PDE4D: variants seen among roughly 807,000 people sequenced by gnomAD.
The protein encoded by PDE4D is phosphodiesterase 4D, also known as 3',5'-cyclic-AMP phosphodiesterase 4D.
In PDE4D, 24 loss-of-function variants were observed where a neutral mutation model predicts 87.4. The ratio of observed to expected loss-of-function variants is 0.27; its 90% confidence interval spans 0.20 to 0.39. PDE4D has a LOEUF of 0.39. Ranked by LOEUF, PDE4D falls within the 10% of genes least tolerant of loss-of-function variation. The probability of loss-of-function intolerance (pLI) is 1.00; values close to 1 mark genes in which losing one functional copy is unlikely to be tolerated. For synonymous variants in PDE4D, 384 were observed against 383.2 expected (o/e 1.00, Z -0.02); for missense variants, 714 against 1,041.0 (o/e 0.69, Z 4.32).
intron 1 of PDE4D, among the ~76,000 whole-genome samples, chr5:60,478,179 A>G (rs1405950924): frequency 6.6e-6 from 1 of 152,218 alleles, no homozygotes; most frequent in African/African-American, 2.4e-5. Flanking sequence ...TAAAAAACAA[A>G]TTCAGCAAAA....
At position 58,972,208 on chromosome 5, in the gene PDE4D, C is replaced by T. The variant is rs1033410742; in HGVS notation, c.*2456G>A. The T allele has an allele frequency of 1.3e-5, 2 of 152,476 alleles. No homozygotes were observed. Among genetic ancestry groups the T allele is most frequent in the African/African-American group, 2.4e-5 (1 of 41,404 alleles). 9.4% of individuals were successfully genotyped at this position (152,476 alleles called of 1,614,324 possible). On this transcript the variant is annotated 3_prime_UTR_variant, in exon 15 of 15. Transcript: ENST00000340635. The stretch of plus-strand genomic sequence containing the variant: ...GAGGAATAAACTCTAGACTCTTTAC[C>T]TTTCTTTCTAGACTTCACTCAGGGA...
At chr5:59,297,869 G>A (rs925275094) in intron 1 of PDE4D, among the ~76,000 whole-genome samples, 14 of 152,136 alleles carry the variant, frequency 9.2e-5, no homozygotes, top group Admixed American at 3.3e-4. Context: ...GAATGGCATA[G>A]ACACAAAGGC....
intron 5 of PDE4D, among the ~76,000 whole-genome samples, chr5:59,118,438 T>C (rs1222139708): frequency 6.6e-6 from 1 of 152,204 alleles, no homozygotes; most frequent in Non-Finnish European, 1.5e-5. Context: ...ATATAGAAGG[T>C]ACTCCAATAA....
chr5:59,131,597 AACACAC>A (rs34161581), intron 5 of PDE4D, among the ~76,000 whole-genome samples: 2,714 of 118,116 alleles, frequency 0.023, 41 homozygotes, highest in East Asian at 0.032. Flanking sequence ...GCCAATTTAA[AACACAC>A]ACACACACAC....
At position 59,697,902 on chromosome 5, in the gene PDE4D, T is replaced by C. The variant is rs546615848; in HGVS notation, c.455+195266A>G. Among the ~76,000 whole-genome samples the C allele has an allele frequency of 1.1e-4, 16 of 152,296 alleles. No homozygotes were observed. In the East Asian group the frequency reaches 3.1e-3, roughly 29 times the overall value. On this transcript the variant is annotated intron_variant, in intron 1 of 14. Transcript: ENST00000340635. ...TGGTCCTACTTGATGTAACAAACTT[T>C]CCTGCCTTTATTTACTGATTTTATG...
chr5:59,427,289 T>TTA (rs1037996250), intron 1 of PDE4D, among the ~76,000 whole-genome samples: 4 of 82,170 alleles, frequency 4.9e-5, no homozygotes, highest in East Asian at 3.7e-4. Flanking sequence ...GGAAGTGATT[T>TTA]TATACACACA....
chr5:59,820,382 T>A (rs1769496983), intron 1 of PDE4D, among the ~76,000 whole-genome samples: 1 of 152,252 alleles, frequency 6.6e-6, no homozygotes, highest in South Asian at 2.1e-4. Flanking sequence ...TGAGGCTCAC[T>A]TTTGCTGAAC....
chr5:60,503,089 T>C (rs961130066), intron 1 of PDE4D, among the ~76,000 whole-genome samples: 1 of 152,138 alleles, frequency 6.6e-6, no homozygotes, highest in African/African-American at 2.4e-5. Flanking sequence ...CAAACGTCCA[T>C]ATCTTTTTGA....
intron 1 of PDE4D, chr5:59,587,142 C>G (rs1825274010): frequency 3.3e-6 from 1 of 304,210 alleles, no homozygotes; most frequent in South Asian, 1.3e-4. Flanking sequence ...TGCCTAACCC[C>G]ATAATAAGGC....
intron 1 of PDE4D, among the ~76,000 whole-genome samples, chr5:59,454,675 G>A (rs1379359270): frequency 6.6e-6 from 1 of 152,218 alleles, no homozygotes; most frequent in Non-Finnish European, 1.5e-5. Context: ...ATAACAGGCA[G>A]AGGTTGGAAC....
chr5:59,126,095 T>TAA (rs72194172), intron 5 of PDE4D, among the ~76,000 whole-genome samples: 41,135 of 127,214 alleles, frequency 0.32, 7,898 homozygotes, highest in South Asian at 0.43. Context: ...AGTACAATTG[T>TAA]AAAAAAAAAA....
At chr5:59,430,434 A>G in intron 1 of PDE4D, 8 of 1,231,042 alleles carry the variant, frequency 6.5e-6, no homozygotes, top group Non-Finnish European at 8.1e-6. Flanking sequence ...CCAAAAGGCA[A>G]GAAGTAAAAG....
chr5:59,064,968 G>C (rs1736061205), intron 5 of PDE4D, among the ~76,000 whole-genome samples: 1 of 151,826 alleles, frequency 6.6e-6, no homozygotes, highest in East Asian at 1.9e-4. Flanking sequence ...GGATCTTAAA[G>C]AGATATTTTC....
At chr5:60,406,744 A>G (rs144955305) in intron 1 of PDE4D, among the ~76,000 whole-genome samples, 222 of 152,342 alleles carry the variant, frequency 1.5e-3, no homozygotes, top group African/African-American at 5.2e-3. Flanking sequence ...CTTTTTGATG[A>G]AAATTTGCCT....
chr5:59,189,430 G>A, intron 3 of PDE4D, among the ~76,000 whole-genome samples: 1 of 151,900 alleles, frequency 6.6e-6, no homozygotes, highest in Non-Finnish European at 1.5e-5. Flanking sequence ...CAGGGATCCA[G>A]CATAATGCTT....
chr5:60,285,664 T>C (rs1198343963), intron 1 of PDE4D, among the ~76,000 whole-genome samples: 1 of 152,172 alleles, frequency 6.6e-6, no homozygotes, highest in Non-Finnish European at 1.5e-5. Flanking sequence ...TGTGTGAATA[T>C]AACACTACTA....
At chr5:59,030,434 A>G (rs940478945) in intron 6 of PDE4D, among the ~76,000 whole-genome samples, 1 of 150,420 alleles carries the variant, frequency 6.6e-6, no homozygotes, top group African/African-American at 2.4e-5. Flanking sequence ...AAAAAAAAAA[A>G]AAAAAAAAAA....
intron 5 of PDE4D, among the ~76,000 whole-genome samples, chr5:59,086,650 C>T (rs989030501): frequency 3.6e-4 from 55 of 152,126 alleles, no homozygotes; most frequent in Non-Finnish European, 5.9e-5. Flanking sequence ...ACAGACACCT[C>T]AAACTTCATA....
At chr5:59,409,371 G>C (rs1427454428) in intron 1 of PDE4D, among the ~76,000 whole-genome samples, 1 of 152,142 alleles carries the variant, frequency 6.6e-6, no homozygotes, top group East Asian at 1.9e-4. Flanking sequence ...TGCCATGTAA[G>C]AAGGACATGA....
Sources: allele counts gnomAD v4.1 joint callset (sites outside exome capture counted in the v4.1 genomes callset), GRCh38; gene constraint gnomAD v4.1.1; transcripts MANE v1.5; gene names NCBI Gene and HGNC (gene_info 2026-07-23, HGNC 2026-07-21).